RBMS1: variants seen among roughly 807,000 people sequenced by gnomAD.
RBMS1 encodes RNA binding motif single stranded interacting protein 1.
Under a neutral mutation model 62.3 loss-of-function variants are expected in RBMS1, and 17 were observed. The observed-to-expected ratio is 0.27, with a 90% CI of 0.19 to 0.41. RBMS1 has a LOEUF of 0.41. Ranked by LOEUF, RBMS1 falls within the 10% of genes least tolerant of loss-of-function variation. The pLI, the probability that RBMS1 is intolerant of heterozygous loss-of-function variation, is 1.00. For synonymous variants in RBMS1, 172 were observed against 170.0 expected, an observed-to-expected ratio of 1.01 and a Z score of -0.09; for missense variants, 334 against 504.5, an observed-to-expected ratio of 0.66 and a Z score of 3.24.
intron 1 of RBMS1, among the ~76,000 whole-genome samples, chr2:160,487,926 C>T (rs1169063423): frequency 3.3e-5 from 5 of 151,960 alleles, no homozygotes; most frequent in East Asian, 1.9e-4. Context: ...TTTTCCAGGG[C>T]TTGTTTGAAA....
chr2:160,315,296 T>C (rs1048402260), intron 3 of RBMS1, among the ~76,000 whole-genome samples: 16 of 152,208 alleles, frequency 1.1e-4, no homozygotes, highest in African/African-American at 3.9e-4. Flanking sequence ...ATGCTGTCTA[T>C]CTGTATTACT....
At chr2:160,326,107 A>G (rs1384556912) in intron 2 of RBMS1, among the ~76,000 whole-genome samples, 1 of 152,202 alleles carries the variant, frequency 6.6e-6, no homozygotes, top group Admixed American at 6.5e-5. Context: ...ATGCTTGGCA[A>G]GAAAAGCTAC....
intron 2 of RBMS1, among the ~76,000 whole-genome samples, chr2:160,361,445 T>C (rs761224768): frequency 2.0e-5 from 3 of 152,238 alleles, no homozygotes; most frequent in Non-Finnish European, 4.4e-5. Context: ...GTGGGTAGCA[T>C]GTGGCTGCAA....
chr2:160,289,581 G>C (rs1185234009), intron 6 of RBMS1, among the ~76,000 whole-genome samples: 1 of 152,092 alleles, frequency 6.6e-6, no homozygotes, highest in Non-Finnish European at 1.5e-5. Flanking sequence ...ACAAGAGCTG[G>C]GGATACAGTG....
intron 4 of RBMS1, among the ~76,000 whole-genome samples, chr2:160,307,064 T>A (rs1047755775): frequency 1.3e-5 from 2 of 152,118 alleles, no homozygotes; most frequent in Non-Finnish European, 2.9e-5. Context: ...GATAAACAGC[T>A]ACTAACGTTC....
intron 1 of RBMS1, among the ~76,000 whole-genome samples, chr2:160,416,763 T>G (rs769021200): frequency 1.1e-4 from 17 of 152,142 alleles, no homozygotes; most frequent in Non-Finnish European, 1.3e-4. Context: ...AATAAATCTT[T>G]CAGTAATTGA....
At chr2:160,440,071 A>T (rs1164406634) in intron 1 of RBMS1, among the ~76,000 whole-genome samples, 2 of 64,556 alleles carry the variant, frequency 3.1e-5, no homozygotes, top group East Asian at 8.3e-4. Flanking sequence ...GAGACCGTGG[A>T]GAGGGGAGAG....
In RBMS1 at chr2:160,435,252, A is replaced by T. The variant is rs76670377; in HGVS notation, c.75+58037T>A. Among the ~76,000 whole-genome samples the T allele has an allele frequency of 7.6e-4, 116 of 152,298 alleles. No individual in the cohort carries two copies. In the East Asian group the frequency reaches 0.021, roughly 28 times the overall value. On this transcript the variant is annotated intron_variant, in intron 1 of 13. Transcript: ENST00000348849. ...CATATAAATATTTAATTGGGGTTTT[A>T]TCTCTTTTTTATTGGTATACCAACA...
chr2:160,297,631 T>C (rs1192635687), intron 6 of RBMS1, among the ~76,000 whole-genome samples: 1 of 152,210 alleles, frequency 6.6e-6, no homozygotes, highest in African/African-American at 2.4e-5. Context: ...AGACACAGCA[T>C]AACCCAACTG....
chr2:160,309,808 G>A (rs1451608146), intron 4 of RBMS1, among the ~76,000 whole-genome samples: 1 of 152,136 alleles, frequency 6.6e-6, no homozygotes, highest in Admixed American at 6.5e-5. Context: ...CATGGCTAGT[G>A]AGCTGAAGGA....
chr2:160,324,385 A>G (rs773615413), intron 2 of RBMS1, among the ~76,000 whole-genome samples: 1 of 152,176 alleles, frequency 6.6e-6, no homozygotes, highest in Non-Finnish European at 1.5e-5. Context: ...GATGGCGACA[A>G]TGGTTGTTAA....
intron 1 of RBMS1, among the ~76,000 whole-genome samples, chr2:160,486,060 C>T (rs1382941318): frequency 6.6e-6 from 1 of 152,040 alleles, no homozygotes; most frequent in Non-Finnish European, 1.5e-5. Context: ...AATATTTTAT[C>T]TGAGACCTTA....
At position 160,303,993 on chromosome 2, in the gene RBMS1, A is replaced by G. The variant is rs1245269259; in HGVS notation, c.403-506T>C. On this transcript the variant is annotated intron_variant, in intron 4 of 13. Coordinates refer to ENST00000348849, the MANE Select transcript of RBMS1 (RefSeq NM_016836.4). The stretch of plus-strand genomic sequence containing the variant: ...AAGTTCACACTACTTTTGAGTCATG[A>G]TCACCAACAGTAAAAACAGGTAATT... 2.0e-5 allele frequency among the ~76,000 whole-genome samples: 3 copies of G among 152,184 alleles called. No homozygotes were observed. The South Asian group carries it at 6.2e-4, about 31-fold the overall frequency.
At chr2:160,432,348 C>T (rs1053026500) in intron 1 of RBMS1, 1 of 152,084 alleles carries the variant, frequency 6.6e-6, no homozygotes, top group Admixed American at 6.5e-5. Flanking sequence ...CCTCTAAGAA[C>T]AGGGAAGATT....
chr2:160,347,592 C>G (rs180862448), intron 2 of RBMS1, among the ~76,000 whole-genome samples: 1 of 152,154 alleles, frequency 6.6e-6, no homozygotes, highest in Non-Finnish European at 1.5e-5. Flanking sequence ...GTTTTCTCAT[C>G]GAAGGTCAAC....
At chr2:160,376,940 C>G (rs891437379) in intron 1 of RBMS1, among the ~76,000 whole-genome samples, 6 of 152,124 alleles carry the variant, frequency 3.9e-5, no homozygotes, top group Non-Finnish European at 8.8e-5. Flanking sequence ...AGTGCTGGGA[C>G]TACAGGCATG....
chr2:160,329,055 G>C (rs895094100), intron 2 of RBMS1, among the ~76,000 whole-genome samples: 2 of 152,128 alleles, frequency 1.3e-5, no homozygotes, highest in Non-Finnish European at 2.9e-5. Flanking sequence ...AGTCAAATTG[G>C]ACATTTCTTC....
At chr2:160,362,834 C>T (rs1231626611) in intron 2 of RBMS1, among the ~76,000 whole-genome samples, 1 of 151,754 alleles carries the variant, frequency 6.6e-6, no homozygotes, top group Non-Finnish European at 1.5e-5. Context: ...GCCTGTACCC[C>T]TTCCTCCCAA....
At position 160,476,039 on chromosome 2, in the gene RBMS1, G is replaced by A. The variant is rs1685113257; in HGVS notation, c.75+17250C>T. Among the ~76,000 whole-genome samples the A allele has an allele frequency of 2.0e-5, 3 of 151,748 alleles. No homozygotes were observed. The South Asian group carries it at 6.2e-4, about 32-fold the overall frequency. ...ATCCAGTTAATTTTTGTATTTTTTT[G>A]TAGAGATGGGGTTTTGCCATGTTGC... On this transcript the variant is annotated intron_variant, in intron 1 of 13. Coordinates refer to ENST00000348849, the MANE Select transcript of RBMS1 (RefSeq NM_016836.4).
Sources: gnomAD v4.1 joint callset for allele counts (sites outside exome capture counted in the v4.1 genomes callset) on GRCh38, gnomAD v4.1.1 for gene constraint, MANE v1.5 for transcripts, NCBI Gene and HGNC (gene_info 2026-07-23, HGNC 2026-07-21) for gene names.